The following FAM20B variants were observed in gnomAD, a reference collection of about 807,000 sequenced individuals.
FAM20B encodes FAM20B glycosaminoglycan xylosylkinase.
A neutral mutation model predicts 43.8 loss-of-function variants in FAM20B; 23 were observed. That is an observed-to-expected ratio of 0.53 (90% confidence interval 0.38 to 0.74). The LOEUF (loss-of-function observed/expected upper bound fraction) is 0.74, where lower values mean the gene tolerates loss of function less well. Among genes scored for constraint, FAM20B ranks in the 30% least tolerant of loss-of-function variants. The pLI, the probability that FAM20B is intolerant of heterozygous loss-of-function variation, is 0.00. For synonymous variants in FAM20B, 178 were observed against 192.4 expected, an observed-to-expected ratio of 0.93 and a Z score of 0.62; for missense variants, 440 against 510.5, an observed-to-expected ratio of 0.86 and a Z score of 1.33.
In FAM20B at chr1:179,076,484, C is replaced by T. The variant is rs533880157; in HGVS notation, c.*4340C>T. 3.3e-5 allele frequency: 5 copies of T among 152,642 alleles called. No homozygotes were observed. In the South Asian group the frequency reaches 1.0e-3, roughly 32 times the overall value. 9.5% of individuals were successfully genotyped at this position (152,642 alleles called of 1,614,324 possible). A position where few individuals can be genotyped will look rare whatever the true frequency, so the allele number is the denominator to read the frequency against. Reference sequence around the variant, plus strand: ...GTACTTGGTAAGATACCAAACAAGACAGATATGGATCTAAATTTCTAATGT... The same window carrying T: ...GTACTTGGTAAGATACCAAACAAGATAGATATGGATCTAAATTTCTAATGT... On this transcript the variant is annotated 3_prime_UTR_variant, in exon 8 of 8. Coordinates refer to ENST00000263733, the MANE Select transcript of FAM20B (RefSeq NM_014864.4).
intron 6 of FAM20B, among the ~76,000 whole-genome samples, chr1:179,065,239 C>T (rs1251198866): frequency 6.6e-6 from 1 of 151,890 alleles, no homozygotes; most frequent in East Asian, 1.9e-4. Flanking sequence ...CAACTTCTGT[C>T]TCCTGGGTTC....
chr1:179,072,208 A>G lies in FAM20B; in HGVS notation c.*64A>G. 1 of 1,314,532 alleles carries G rather than the reference A, an allele frequency of 7.6e-7. No homozygotes were observed. The highest frequency in any genetic ancestry group is 1.1e-6 in the Non-Finnish European group (1 of 936,450). The allele number at this position is 1,314,532 out of a possible 1,614,324, so 81.4% of individuals were successfully genotyped here. Reference sequence around the variant, plus strand: ...ATAGAGAAACAGCACAATCAATTCCAAATGGTATGAGATGGATTGGAAGTG... The same window carrying G: ...ATAGAGAAACAGCACAATCAATTCCGAATGGTATGAGATGGATTGGAAGTG... On this transcript the variant is annotated 3_prime_UTR_variant, in exon 8 of 8. Coordinates refer to ENST00000263733, the MANE Select transcript of FAM20B (RefSeq NM_014864.4).
chr1:179,051,940 G>A (rs1215645335), intron 3 of FAM20B, among the ~76,000 whole-genome samples: 1 of 151,682 alleles, frequency 6.6e-6, no homozygotes, highest in Non-Finnish European at 1.5e-5. Context: ...GAGTCACCAC[G>A]CCCAGCCTAA....
intron 7 of FAM20B, among the ~76,000 whole-genome samples, chr1:179,069,032 G>A (rs181262947): frequency 2.6e-4 from 39 of 152,340 alleles, no homozygotes; most frequent in Non-Finnish European, 1.2e-4. Flanking sequence ...TGCTGCAAGT[G>A]AGGCACACAC....
chr1:179,051,510 C>G (rs1259532387), intron 3 of FAM20B, among the ~76,000 whole-genome samples: 2 of 151,846 alleles, frequency 1.3e-5, no homozygotes, highest in Non-Finnish European at 2.9e-5. Context: ...GCCTATAGTT[C>G]CAACTAGTGG....
chr1:179,025,696 GACCGGC>G, upstream of FAM20B: 1 of 152,320 alleles, frequency 6.6e-6, no homozygotes, highest in Non-Finnish European at 1.5e-5. Context: ...GCCGGCAGGA[GACCGGC>G]GCCGGCGCCG....
At chr1:179,033,316 T>C (rs1650084267) in intron 1 of FAM20B, among the ~76,000 whole-genome samples, 1 of 152,258 alleles carries the variant, frequency 6.6e-6, no homozygotes, top group Non-Finnish European at 1.5e-5. Flanking sequence ...TTTCTTCTTG[T>C]GGTACCTTTA....
At chr1:179,019,036 C>T in the FAM20B span, among the ~76,000 whole-genome samples, 1 of 152,348 alleles carries the variant, frequency 6.6e-6, no homozygotes, top group African/African-American at 2.4e-5. Context: ...CAACCTTCTT[C>T]TACATTTTTG....
intron 4 of FAM20B, among the ~76,000 whole-genome samples, chr1:179,061,223 T>G (rs1371788016): frequency 1.3e-5 from 2 of 151,608 alleles, no homozygotes; most frequent in African/African-American, 2.4e-5. Context: ...GAATTACAGG[T>G]GCACATCACT....
chr1:179,039,883 TC>T (rs1181264498), intron 1 of FAM20B, among the ~76,000 whole-genome samples: 1 of 152,076 alleles, frequency 6.6e-6, no homozygotes, highest in Admixed American at 6.5e-5. Flanking sequence ...CCTGCGGCCT[TC>T]CGCAGTGTTT....
At position 179,071,802 on chromosome 1, in the gene FAM20B, G is replaced by A. The variant is rs1042890318; in HGVS notation, c.999-111G>A. The A allele has an allele frequency of 2.3e-5, 17 of 740,542 alleles. 1 individual carries two copies. Among genetic ancestry groups the A allele is most frequent in the South Asian group, 1.6e-4 (9 of 57,880 alleles). The allele number at this position is 740,542 out of a possible 1,614,324, so 45.9% of individuals were successfully genotyped here. On this transcript the variant is annotated intron_variant, in intron 7 of 7. Coordinates refer to ENST00000263733, the MANE Select transcript of FAM20B (RefSeq NM_014864.4). ...GTAATTCTAAAGCAAAAATTATTTA[G>A]TTAAAGGATTTTACCTAATTATTTT...
At chr1:179,022,475 T>TGC (rs1558209581), upstream of FAM20B, among the ~76,000 whole-genome samples, 2 of 152,064 alleles carry the variant, frequency 1.3e-5, no homozygotes, top group Admixed American at 6.5e-5. Context: ...CGCGCGCGTG[T>TGC]ATGCATATAT....
chr1:179,073,028 T>C lies in FAM20B; in HGVS notation c.*884T>C, dbSNP rs1340777226. 1 of 152,222 alleles carries C rather than the reference T, an allele frequency of 6.6e-6. No individual in the cohort carries two copies. The highest frequency in any genetic ancestry group is 6.5e-5 in the Admixed American group (1 of 15,290). 9.4% of individuals were successfully genotyped at this position (152,222 alleles called of 1,614,324 possible). On this transcript the variant is annotated 3_prime_UTR_variant, in exon 8 of 8. Transcript: ENST00000263733. ...TTTGCCAAAAGCAGTCCTTCCCAAA[T>C]TAACAAAGCAAACTGAAATAATACC...
upstream of FAM20B, among the ~76,000 whole-genome samples, chr1:179,024,328 T>C (rs922973818): frequency 1.3e-5 from 2 of 152,194 alleles, no homozygotes; most frequent in African/African-American, 2.4e-5. Context: ...ACAGTGACAG[T>C]TGGAGCGTTC....
At chr1:179,047,464 A>G (rs762514704) in intron 2 of FAM20B, among the ~76,000 whole-genome samples, 42 of 152,108 alleles carry the variant, frequency 2.8e-4, no homozygotes, top group Non-Finnish European at 4.4e-4. Flanking sequence ...ACTCAGCCTT[A>G]TCTTCCTTTT....
chr1:179,043,765 G>A lies in FAM20B; in HGVS notation c.-83G>A, dbSNP rs1226365834. ...GAAATGGACCAATGTGTATAATCAT[G>A]GAATCTCCTTGCTAACCATCACCAC... On this transcript the variant is annotated 5_prime_UTR_variant, in exon 2 of 8. It removes an upstream start codon present in the reference 5' UTR. Transcript: ENST00000263733. The A allele has an allele frequency of 2.2e-6, 3 of 1,365,592 alleles. No individual in the cohort carries two copies. In the East Asian group the frequency reaches 7.0e-5, roughly 32 times the overall value. 84.6% of individuals were successfully genotyped at this position (1,365,592 alleles called of 1,614,324 possible). A position where few individuals can be genotyped will look rare whatever the true frequency, so the allele number is the denominator to read the frequency against.
intron 7 of FAM20B, among the ~76,000 whole-genome samples, chr1:179,069,516 A>G (rs1379356263): frequency 6.6e-6 from 1 of 152,014 alleles, no homozygotes; most frequent in Non-Finnish European, 1.5e-5. Context: ...GATTACAGGC[A>G]CCTGCCACCA....
At chr1:179,027,109 T>C (rs1649821452) in intron 1 of FAM20B, among the ~76,000 whole-genome samples, 1 of 152,246 alleles carries the variant, frequency 6.6e-6, no homozygotes, top group Non-Finnish European at 1.5e-5. Flanking sequence ...TCTGGAGGTT[T>C]GATTTCTCAC....
upstream of FAM20B, among the ~76,000 whole-genome samples, chr1:179,021,690 C>A (rs1057378658): frequency 2.0e-5 from 3 of 151,968 alleles, no homozygotes; most frequent in Non-Finnish European, 4.4e-5. Flanking sequence ...TTTTACTGTG[C>A]AGATTTAAAG....
Sources: gnomAD v4.1 joint callset for allele counts (sites outside exome capture counted in the v4.1 genomes callset) on GRCh38, gnomAD v4.1.1 for gene constraint, MANE v1.5 for transcripts, NCBI Gene and HGNC (gene_info 2026-07-23, HGNC 2026-07-21) for gene names.